Variants in MIPOL1 observed in about 807,000 individuals in gnomAD.
The protein encoded by MIPOL1 is mirror-image polydactyly gene 1 protein.
A neutral mutation model predicts 60.9 loss-of-function variants in MIPOL1; 57 were observed. The ratio of observed to expected loss-of-function variants is 0.94; its 90% CI spans 0.76 to 1.17. MIPOL1 has a LOEUF of 1.17. Ranked by LOEUF, MIPOL1 falls within the 50% of genes most tolerant of loss-of-function variation. MIPOL1 has a pLI of 0.00. For missense variants in MIPOL1, 551 were observed against 511.6 expected, an observed-to-expected ratio of 1.08 and a Z score of -0.74; for synonymous variants, 179 against 168.8, an observed-to-expected ratio of 1.06 and a Z score of -0.47.
At chr14:37,263,038 T>TG (rs1257841272) in intron 3 of MIPOL1, among the ~76,000 whole-genome samples, 1 of 152,198 alleles carries the variant, frequency 6.6e-6, no homozygotes, top group South Asian at 2.1e-4. Flanking sequence ...CATGATTTAT[T>TG]GGGTAGCATC....
At chr14:37,245,754 GA>G (rs1463956801) in intron 1 of MIPOL1, among the ~76,000 whole-genome samples, 1 of 152,096 alleles carries the variant, frequency 6.6e-6, no homozygotes, top group Non-Finnish European at 1.5e-5. Context: ...TCAAATTACA[GA>G]AAGGCAATGG....
intron 7 of MIPOL1, among the ~76,000 whole-genome samples, chr14:37,303,729 C>A (rs2086534889): frequency 6.6e-6 from 1 of 151,812 alleles, no homozygotes; most frequent in East Asian, 1.9e-4. Flanking sequence ...ATTGACTATA[C>A]TGTGTCAGGT....
At chr14:37,483,895 C>T (rs557305965) in intron 11 of MIPOL1, among the ~76,000 whole-genome samples, 2 of 152,176 alleles carry the variant, frequency 1.3e-5, no homozygotes, top group South Asian at 4.1e-4. Flanking sequence ...CTCAGTTTTC[C>T]AAAGTGCTGA....
intron 9 of MIPOL1, among the ~76,000 whole-genome samples, chr14:37,354,840 A>C (rs1164341729): frequency 3.0e-5 from 3 of 98,458 alleles, no homozygotes; most frequent in African/African-American, 1.2e-4. Context: ...CAGCACACTG[A>C]TGGGTCTTGA....
At chr14:37,343,447 T>C (rs2153464081) in intron 9 of MIPOL1, among the ~76,000 whole-genome samples, 1 of 152,310 alleles carries the variant, frequency 6.6e-6, no homozygotes, top group South Asian at 2.1e-4. Flanking sequence ...TGCAGTTCAG[T>C]GTACATAATT....
intron 9 of MIPOL1, among the ~76,000 whole-genome samples, chr14:37,313,383 T>C (rs1408835647): frequency 6.6e-6 from 1 of 152,160 alleles, no homozygotes; most frequent in East Asian, 1.9e-4. Context: ...GTTTTACTTA[T>C]AAGGGTATAC....
intron 3 of MIPOL1, among the ~76,000 whole-genome samples, chr14:37,259,903 C>T (rs1214612769): frequency 3.9e-5 from 6 of 152,072 alleles, no homozygotes; most frequent in Admixed American, 1.3e-4. Flanking sequence ...ATTCTGCCAC[C>T]AACCTTTTCT....
intron 9 of MIPOL1, among the ~76,000 whole-genome samples, chr14:37,349,234 C>T (rs1340390349): frequency 1.3e-5 from 2 of 152,054 alleles, no homozygotes; most frequent in East Asian, 3.9e-4. Context: ...GTGATCCACC[C>T]ACCTCGGCCT....
intron 3 of MIPOL1, among the ~76,000 whole-genome samples, chr14:37,254,936 TTAAA>T (rs1423624622): frequency 6.6e-6 from 1 of 151,812 alleles, no homozygotes; most frequent in Non-Finnish European, 1.5e-5. Flanking sequence ...AAACTCTACT[TTAAA>T]TATGCAAATT....
chr14:37,219,964 T>C (rs918681918), intron 1 of MIPOL1, among the ~76,000 whole-genome samples: 13 of 150,074 alleles, frequency 8.7e-5, no homozygotes, highest in Non-Finnish European at 1.3e-4. Context: ...CCTGCTTTCT[T>C]TTGATTAGTA....
At chr14:37,433,435 T>C (rs2094109567) in intron 11 of MIPOL1, among the ~76,000 whole-genome samples, 1 of 152,136 alleles carries the variant, frequency 6.6e-6, no homozygotes, top group African/African-American at 2.4e-5. Flanking sequence ...GTGTTCTCAT[T>C]GTTCAACTTC....
intron 11 of MIPOL1, among the ~76,000 whole-genome samples, chr14:37,495,132 A>G (rs1157674135): frequency 7.6e-6 from 1 of 131,958 alleles, no homozygotes; most frequent in African/African-American, 2.9e-5. Context: ...TTTTTTTTTT[A>G]ATATTTTTTT....
intron 7 of MIPOL1, among the ~76,000 whole-genome samples, chr14:37,304,463 T>C (rs1184731625): frequency 2.0e-5 from 3 of 151,868 alleles, no homozygotes; most frequent in Admixed American, 2.0e-4. Context: ...TACCTTTTTT[T>C]CAGTCTCTTT....
At chr14:37,318,170 A>G (rs2088133330) in intron 9 of MIPOL1, among the ~76,000 whole-genome samples, 1 of 152,172 alleles carries the variant, frequency 6.6e-6, no homozygotes, top group Non-Finnish European at 1.5e-5. Context: ...CAATGATGTA[A>G]CCTTCAAGGT....
chr14:37,379,716 A>G (rs2153507619), intron 10 of MIPOL1, among the ~76,000 whole-genome samples: 1 of 152,218 alleles, frequency 6.6e-6, no homozygotes, highest in Non-Finnish European at 1.5e-5. Context: ...CATTGGTGGT[A>G]GTGGAAGCCT....
chr14:37,416,486 A>G (rs900171194), intron 10 of MIPOL1, among the ~76,000 whole-genome samples: 19 of 152,312 alleles, frequency 1.2e-4, no homozygotes, highest in African/African-American at 4.6e-4. Context: ...ACAAACCTGT[A>G]CAACATGTTC....
chr14:37,252,908 G>A (rs2153365880), intron 3 of MIPOL1, among the ~76,000 whole-genome samples: 1 of 151,774 alleles, frequency 6.6e-6, no homozygotes, highest in South Asian at 2.1e-4. Flanking sequence ...CGGAGAAGAA[G>A]GAAATGACAA....
At chr14:37,505,029 T>C (rs1365400569) in intron 12 of MIPOL1, 1 of 152,110 alleles carries the variant, frequency 6.6e-6, no homozygotes, top group Non-Finnish European at 1.5e-5. Flanking sequence ...CCTGGACACA[T>C]ACACCCTCCC....
chr14:37,282,806 G>C (rs1252744899), intron 6 of MIPOL1, among the ~76,000 whole-genome samples: 1 of 149,644 alleles, frequency 6.7e-6, no homozygotes, highest in African/African-American at 2.5e-5. Flanking sequence ...ATTGTGAGTA[G>C]TGGAAAAGTG....
Sources: gnomAD v4.1 joint callset for allele counts (sites outside exome capture counted in the v4.1 genomes callset) on GRCh38, gnomAD v4.1.1 for gene constraint, MANE v1.5 for transcripts, NCBI Gene and HGNC (gene_info 2026-07-23, HGNC 2026-07-21) for gene names.